DNMT1: variants seen among roughly 807,000 people sequenced by gnomAD.
The protein encoded by DNMT1 is DNA (cytosine-5)-methyltransferase 1.
Under a neutral mutation model 205.3 loss-of-function variants are expected in DNMT1, and 24 were observed. That is an observed-to-expected ratio of 0.12 (90% CI 0.08 to 0.16). The LOEUF (loss-of-function observed/expected upper bound fraction) is 0.16. Ranked by LOEUF, DNMT1 falls within the 10% of genes least tolerant of loss-of-function variation. DNMT1 has a pLI of 1.00. For missense variants in DNMT1, 1,293 were observed against 2,177.7 expected (o/e 0.59, Z 8.09); for synonymous variants, 817 against 839.8 (o/e 0.97, Z 0.47).
chr19:10,175,454 T>C (rs2038921519), intron 7 of DNMT1, 86 bp downstream of exon 7: 2 of 1,535,454 alleles, frequency 1.3e-6, no homozygotes, highest in South Asian at 2.3e-5. Context: ...AGGGTTTTTA[T>C]TTACTTGGAC....
rs201117657 is a variant in DNMT1, at chr19:10,136,071, G to A, written c.4656+50C>T. On this transcript the variant is annotated intron_variant, in intron 38 of 40. Transcript: ENST00000359526. ...ACCCACACTTCCACCTAGTTAGGCC[G>A]CCAAGTACAGGGCCTGACCCAGGCC... is the stretch of plus-strand genomic sequence containing the variant. 40 of 1,611,984 alleles carry A rather than the reference G, an allele frequency of 2.5e-5. No individual in the cohort carries two copies. The East Asian group carries it at 2.7e-4, about 11-fold the overall frequency.
intron 1 of DNMT1, among the ~76,000 whole-genome samples, chr19:10,184,169 G>A (rs921257317): frequency 1.3e-5 from 2 of 152,208 alleles, no homozygotes; most frequent in African/African-American, 4.8e-5. Flanking sequence ...AACAAGGTGT[G>A]CCACAGTATG....
intron 40 of DNMT1, 74 bp downstream of exon 40, chr19:10,134,143 G>T: frequency 6.5e-7 from 1 of 1,546,538 alleles, no homozygotes; most frequent in Non-Finnish European, 8.9e-7. Flanking sequence ...CAAAACGGTG[G>T]CCAGCAACTG....
chr19:10,167,866 C>T (rs1274941910), intron 10 of DNMT1, among the ~76,000 whole-genome samples: 5 of 151,938 alleles, frequency 3.3e-5, no homozygotes, highest in Non-Finnish European at 5.9e-5. Context: ...AACTTCACCC[C>T]GTAATCCCAG....
intron 27 of DNMT1, among the ~76,000 whole-genome samples, chr19:10,147,903 C>T (rs1291621906): frequency 2.0e-5 from 3 of 151,226 alleles, no homozygotes; most frequent in Non-Finnish European, 2.9e-5. Context: ...CACCTGAGGT[C>T]GGGAGTTCGA....
At chr19:10,158,822 T>C (rs1420158194) in intron 17 of DNMT1, among the ~76,000 whole-genome samples, 2 of 152,204 alleles carry the variant, frequency 1.3e-5, no homozygotes, top group Non-Finnish European at 2.9e-5. Flanking sequence ...CTCCGAGCCC[T>C]GGTAATGGTG....
intron 26 of DNMT1, among the ~76,000 whole-genome samples, chr19:10,149,248 C>T (rs1292178663): frequency 6.6e-6 from 1 of 151,624 alleles, no homozygotes. Context: ...TCACTTGAAC[C>T]CAGGAGGTGG....
rs2038979339 is a variant in DNMT1 at position 10,178,557 on chromosome 19, G to C, written c.494-1190C>G. ...GTGGATCACGAGGTCGGGATATTGA[G>C]ACCATCCTGGCTAACACAGTGAAAC... is the stretch of plus-strand genomic sequence containing the variant. On this transcript the variant is annotated intron_variant, in intron 5 of 40. Transcript: ENST00000359526. The C allele has an allele frequency of 2.0e-5, 3 of 149,000 alleles. No individual in the cohort carries two copies. The Admixed American group carries it at 2.0e-4, about 10-fold the overall frequency. The allele number at this position is 149,000 out of a possible 1,614,324, so 9.2% of individuals were successfully genotyped here. A position where few individuals can be genotyped will look rare whatever the true frequency, so the allele number is the denominator to read the frequency against.
chr19:10,192,535 G>A (rs886831566), intron 1 of DNMT1, among the ~76,000 whole-genome samples: 2 of 152,098 alleles, frequency 1.3e-5, no homozygotes, highest in African/African-American at 4.8e-5. Context: ...GCTGAGGCAG[G>A]AGGATCGCTT....
intron 13 of DNMT1, among the ~76,000 whole-genome samples, chr19:10,160,761 C>T (rs112501445): frequency 0.031 from 4,694 of 152,278 alleles, 125 homozygotes; most frequent in Middle Eastern, 0.051. Context: ...CAGGCGGGCA[C>T]TTGTAATCTC....
Position 10,146,210 on chromosome 19 carries a change from T to G in DNMT1, c.2894+141A>C, listed in dbSNP as rs2038196734. ...AGTCTACACGATTTATGTTGTCTGT[T>G]TGCCACCTATGCCAACGTGACGGCT... On this transcript the variant is annotated intron_variant, in intron 28 of 40. Coordinates refer to ENST00000359526, the MANE Select transcript of DNMT1 (RefSeq NM_001130823.3). The surrounding 1 kb of genome is among the most constrained non-coding windows in gnomAD (Gnocchi z 4.4). 1.0e-6 allele frequency: 1 copy of G among 974,232 alleles called. No individual in the cohort carries two copies. The highest frequency in any genetic ancestry group is 1.6e-5 in the African/African-American group (1 of 61,064). The allele number at this position is 974,232 out of a possible 1,614,324, so 60.3% of individuals were successfully genotyped here. A position where few individuals can be genotyped will look rare whatever the true frequency, so the allele number is the denominator to read the frequency against.
Position 10,180,875 on chromosome 19 carries a change from T to C in DNMT1, c.128A>G (p.Lys43Arg), listed in dbSNP as rs1264838175. ...RDSLTEKECV[K>R]EKLNLLHEFL... ...TTCGTGCAAGAGATTCAATTTCTCC[T>C]TCACACATTCCTAAGGGAAGGATAT... The change falls in exon 3 of 41, where the codon AAG becomes AGG. Residue 43 changes from lysine to arginine, a missense_variant. By Grantham distance (26) the Lys-to-Arg change is conservative (BLOSUM62 2). This residue lies in a region of DNMT1 where 394 missense variants were observed against 451.6 expected (regional missense o/e 0.87). Coordinates refer to ENST00000359526, the MANE Select transcript of DNMT1 (RefSeq NM_001130823.3). 5.6e-6 allele frequency: 9 copies of C among 1,614,010 alleles called. No individual in the cohort carries two copies. The highest frequency in any genetic ancestry group is 8.5e-7 in the Non-Finnish European group (1 of 1,179,984).
chr19:10,134,089 G>A, intron 40 of DNMT1, 128 bp downstream of exon 40: 1 of 907,106 alleles, frequency 1.1e-6, no homozygotes, highest in South Asian at 1.4e-5. Flanking sequence ...TGAGAAAGAT[G>A]GGGCCACGAA....
At chr19:10,166,564 A>AG (rs774551838) in intron 11 of DNMT1, 34 bp downstream of exon 11, 1 of 1,612,608 alleles carries the variant, frequency 6.2e-7, no homozygotes, top group Non-Finnish European at 8.5e-7. Context: ...CAGAAGAATG[A>AG]GGGGGAGTTC....
intron 8 of DNMT1, 116 bp downstream of exon 8, chr19:10,173,755 G>T: frequency 8.7e-7 from 1 of 1,144,914 alleles, no homozygotes; most frequent in Non-Finnish European, 1.3e-6. Flanking sequence ...GCCTCCCAAA[G>T]TGCTGAGATT....
At chr19:10,173,010 T>A (rs2145358889) in intron 9 of DNMT1, 80 bp downstream of exon 9, 1 of 1,534,864 alleles carries the variant, frequency 6.5e-7, no homozygotes, top group Non-Finnish European at 9.0e-7. Context: ...CCCCACCCCC[T>A]GTCCCCACGT....
rs142950891 is a variant in DNMT1 at position 10,142,506 on chromosome 19, G to A, written c.3117-286C>T. ...TAAAGATCCCCCAAGTTAGGGAATC[G>A]CAGGGTAAAGACCCCTCCCAGTAAG... On this transcript the variant is annotated intron_variant, in intron 29 of 40. Transcript: ENST00000359526. 1.8e-3 allele frequency among the ~76,000 whole-genome samples: 261 copies of A among 148,336 alleles called. 1 individual carries two copies. The highest frequency in any genetic ancestry group is 6.1e-3 in the African/African-American group (245 of 39,998).
At chr19:10,172,973 G>T in intron 9 of DNMT1, 117 bp downstream of exon 9, 1 of 1,223,548 alleles carries the variant, frequency 8.2e-7, no homozygotes, top group Non-Finnish European at 1.2e-6. Context: ...TCGATCACTA[G>T]CAAAACCCAT....
rs746212432 is a variant in DNMT1 at position 10,159,941 on chromosome 19, AGAT to A, written c.1090-22_1090-20del. The A allele has an allele frequency of 1.9e-6, 3 of 1,614,110 alleles. No homozygotes were observed. In the African/African-American group the frequency reaches 4.0e-5, roughly 22 times the overall value. ...GGTGGGTCTGTGGGAGCAGGAACAC[AGAT>A]GATGGCACTCAGAGAGCAGCTCCCA... On this transcript the variant is annotated intron_variant, in intron 15 of 40. Transcript: ENST00000359526. The surrounding 1 kb of genome is among the most constrained non-coding windows in gnomAD (Gnocchi z 5.0).
Sources: allele counts gnomAD v4.1 joint callset (sites outside exome capture counted in the v4.1 genomes callset), GRCh38; gene constraint gnomAD v4.1.1; regional missense constraint gnomAD v4.1.1; non-coding constraint Gnocchi (gnomAD v3.1); transcripts MANE v1.5; gene names NCBI Gene and HGNC (gene_info 2026-07-23, HGNC 2026-07-21).